CPNE4: variants seen among roughly 807,000 people sequenced by gnomAD.
The protein encoded by CPNE4 is copine-4.
A neutral mutation model predicts 67.9 loss-of-function variants in CPNE4; 25 were observed. That is an observed-to-expected ratio of 0.37 (90% CI 0.27 to 0.51). CPNE4 has a LOEUF of 0.51. Among genes scored for constraint, CPNE4 ranks in the 20% least tolerant of loss-of-function variants. The probability of loss-of-function intolerance (pLI) is 0.93; values close to 1 mark genes in which losing one functional copy is unlikely to be tolerated. For synonymous variants in CPNE4, 242 were observed against 244.9 expected, an observed-to-expected ratio of 0.99 and a Z score of 0.11; for missense variants, 464 against 690.8, an observed-to-expected ratio of 0.67 and a Z score of 3.68.
chr3:131,858,217 G>A (rs1181951484), intron 2 of CPNE4, among the ~76,000 whole-genome samples: 1 of 152,062 alleles, frequency 6.6e-6, no homozygotes, highest in Non-Finnish European at 1.5e-5. Context: ...GCATTGAACA[G>A]GTAATGCAAA....
At chr3:131,856,245 T>C (rs757681953) in intron 2 of CPNE4, among the ~76,000 whole-genome samples, 1 of 151,932 alleles carries the variant, frequency 6.6e-6, no homozygotes, top group Non-Finnish European at 1.5e-5. Flanking sequence ...ATGTTTATGG[T>C]TTATGTTTAT....
intron 3 of CPNE4, among the ~76,000 whole-genome samples, chr3:131,705,389 T>G (rs1018355814): frequency 1.3e-5 from 2 of 152,170 alleles, no homozygotes; most frequent in African/African-American, 4.8e-5. Flanking sequence ...TGAGAAGCAC[T>G]GAGCTAGAAA....
rs529828993 is a variant in CPNE4 at position 131,573,235 on chromosome 3, C to T, written c.927+1836G>A. ...TCCTCAGCATTCATCTGTACATTCT[C>T]CTCTTCTCATTCCTTGCTCCAGACT... is the stretch of plus-strand genomic sequence containing the variant. On this transcript the variant is annotated intron_variant, in intron 10 of 15. Coordinates refer to ENST00000429747, the MANE Select transcript of CPNE4 (RefSeq NM_130808.3). 2.1e-4 allele frequency among the ~76,000 whole-genome samples: 32 copies of T among 152,184 alleles called. No homozygotes were observed. The East Asian group carries it at 5.8e-3, about 28-fold the overall frequency.
At chr3:131,899,912 T>G (rs776880620) in intron 2 of CPNE4, among the ~76,000 whole-genome samples, 1 of 152,096 alleles carries the variant, frequency 6.6e-6, no homozygotes, top group Admixed American at 6.6e-5. Context: ...TTTTGTTGAC[T>G]TCTTCCACAA....
At chr3:131,995,694 C>T (rs908082571) in intron 1 of CPNE4, among the ~76,000 whole-genome samples, 1 of 152,176 alleles carries the variant, frequency 6.6e-6, no homozygotes, top group Non-Finnish European at 1.5e-5. Context: ...TCTTCCCAAC[C>T]TCCTTCATGG....
At chr3:131,979,174 G>A (rs1468987124) in intron 1 of CPNE4, among the ~76,000 whole-genome samples, 2 of 152,062 alleles carry the variant, frequency 1.3e-5, no homozygotes, top group Non-Finnish European at 2.9e-5. Flanking sequence ...GCAGTCGTTG[G>A]ATGAAATGTT....
chr3:131,717,965 TTCTCTCTCTCTGTCTC>T (rs1175066947), intron 3 of CPNE4, among the ~76,000 whole-genome samples: 1 of 149,250 alleles, frequency 6.7e-6, no homozygotes, highest in Non-Finnish European at 1.5e-5. Context: ...CTCTCTTTCT[TTCTCTCTCTCTGTCTC>T]TCTCTCTCTC....
chr3:131,668,042 G>T (rs1212488217), intron 7 of CPNE4, among the ~76,000 whole-genome samples: 1 of 152,160 alleles, frequency 6.6e-6, no homozygotes, highest in East Asian at 1.9e-4. Context: ...CAGGAATCCT[G>T]ATTTTGGCTT....
rs2073855552 is a variant in CPNE4, at chr3:132,014,895, A to T, written c.-2+19672T>A. Among the ~76,000 whole-genome samples the T allele has an allele frequency of 2.0e-5, 3 of 152,186 alleles. No homozygotes were observed. In the South Asian group the frequency reaches 6.2e-4, roughly 31 times the overall value. ...TTTAACCAAGAATATTTTAAAATGGATCCTATTATTTTTGTAAAATATCTC... is the reference window on the plus strand; with the variant it reads ...TTTAACCAAGAATATTTTAAAATGGTTCCTATTATTTTTGTAAAATATCTC... On this transcript the variant is annotated intron_variant, in intron 1 of 15. Transcript: ENST00000429747.
chr3:131,942,453 TGTGTGTGTGTGAGAGAGAGAGAGA>T (rs2071419331), intron 1 of CPNE4, among the ~76,000 whole-genome samples: 2 of 62,272 alleles, frequency 3.2e-5, no homozygotes. Context: ...TGTGTGTGTG[TGTGTGTGTGTGAGAGAGAGAGAGA>T]GAGAGAGAGA....
chr3:131,725,960 T>C (rs769194709), intron 2 of CPNE4, among the ~76,000 whole-genome samples: 36 of 152,316 alleles, frequency 2.4e-4, no homozygotes, highest in Admixed American at 1.2e-3. Context: ...CAACATCTGG[T>C]CCAAATTCAT....
intron 1 of CPNE4, among the ~76,000 whole-genome samples, chr3:132,029,639 T>C (rs2074195786): frequency 6.6e-6 from 1 of 152,240 alleles, no homozygotes; most frequent in Non-Finnish European, 1.5e-5. Flanking sequence ...AGAGGTCTTC[T>C]GGTCAATAAG....
At chr3:131,969,731 C>A (rs1435547926) in intron 1 of CPNE4, among the ~76,000 whole-genome samples, 1 of 152,160 alleles carries the variant, frequency 6.6e-6, no homozygotes, top group East Asian at 1.9e-4. Flanking sequence ...TTATTAAATT[C>A]TCTTCACTGT....
At chr3:131,724,253 C>T (rs754971800) in intron 2 of CPNE4, among the ~76,000 whole-genome samples, 1 of 152,006 alleles carries the variant, frequency 6.6e-6, no homozygotes, top group Non-Finnish European at 1.5e-5. Context: ...CCTTTGGTCT[C>T]GAGTATGCCC....
At chr3:131,937,222 A>G (rs952505973) in intron 1 of CPNE4, among the ~76,000 whole-genome samples, 2 of 152,222 alleles carry the variant, frequency 1.3e-5, no homozygotes, top group Non-Finnish European at 2.9e-5. Context: ...ATACAAAAAT[A>G]GTCAATACTG....
At chr3:131,628,445 T>C (rs947946350) in intron 7 of CPNE4, among the ~76,000 whole-genome samples, 6 of 152,382 alleles carry the variant, frequency 3.9e-5, no homozygotes, top group Admixed American at 6.5e-5. Flanking sequence ...TTTTTTTCTA[T>C]TGATTGGAAT....
intron 1 of CPNE4, among the ~76,000 whole-genome samples, chr3:132,025,112 T>A (rs931973040): frequency 6.6e-6 from 1 of 152,184 alleles, no homozygotes; most frequent in African/African-American, 2.4e-5. Flanking sequence ...TTCTGACTCA[T>A]CCTCAAGTTT....
intron 7 of CPNE4, among the ~76,000 whole-genome samples, chr3:131,663,858 C>T (rs2080191845): frequency 6.6e-6 from 1 of 152,204 alleles, no homozygotes; most frequent in Non-Finnish European, 1.5e-5. Flanking sequence ...CTCCCTTCTA[C>T]TTTGACTTTG....
intron 1 of CPNE4, among the ~76,000 whole-genome samples, chr3:132,029,515 G>A (rs1166745653): frequency 1.3e-5 from 2 of 152,094 alleles, no homozygotes; most frequent in Admixed American, 6.6e-5. Context: ...TCTCTAGTCC[G>A]TCCTTCTAGA....
Sources: gnomAD v4.1 joint callset for allele counts (sites outside exome capture counted in the v4.1 genomes callset) on GRCh38, gnomAD v4.1.1 for gene constraint, MANE v1.5 for transcripts, NCBI Gene and HGNC (gene_info 2026-07-23, HGNC 2026-07-21) for gene names.